Variants in RAB31 observed in about 807,000 individuals in gnomAD.
RAB31 encodes ras-related protein Rab-31.
In RAB31, 21 loss-of-function variants were observed where a neutral mutation model predicts 25.6. The ratio of observed to expected loss-of-function variants is 0.82; its 90% CI spans 0.58 to 1.18. The LOEUF (loss-of-function observed/expected upper bound fraction) is 1.18, where lower values mean the gene tolerates loss of function less well. Among genes scored for constraint, RAB31 ranks in the 50% most tolerant of loss-of-function variants. The pLI is 0.00. For missense variants in RAB31, 196 were observed against 250.1 expected (o/e 0.78, Z 1.46); for synonymous variants, 87 against 84.0 (o/e 1.04, Z -0.20).
intron 1 of RAB31, among the ~76,000 whole-genome samples, chr18:9,737,383 G>A (rs2145469552): frequency 6.6e-6 from 1 of 152,254 alleles, no homozygotes; most frequent in Admixed American, 6.5e-5. Flanking sequence ...TAATATAAAT[G>A]TATAGTTATG....
intron 1 of RAB31, among the ~76,000 whole-genome samples, chr18:9,742,268 T>G (rs2068183614): frequency 6.6e-6 from 1 of 152,152 alleles, no homozygotes; most frequent in South Asian, 2.1e-4. Flanking sequence ...TTCGAGGACT[T>G]CAAAGACTCC....
Position 9,812,704 on chromosome 18 carries a change from T to C in RAB31, c.202-1316T>C, listed in dbSNP as rs2068579732. 2.1e-5 allele frequency among the ~76,000 whole-genome samples: 3 copies of C among 145,236 alleles called. No homozygotes were observed. The South Asian group carries it at 6.6e-4, about 32-fold the overall frequency. ...CCAGGATACTATTTTTTTTTTTTTTTTTTTTTTTTTTGAGATAAAGTCTCA... is the reference window on the plus strand; with the variant it reads ...CCAGGATACTATTTTTTTTTTTTTTCTTTTTTTTTTTGAGATAAAGTCTCA... On this transcript the variant is annotated intron_variant, in intron 3 of 6. Transcript: ENST00000578921.
intron 5 of RAB31, among the ~76,000 whole-genome samples, chr18:9,821,627 G>A (rs569158560): frequency 3.9e-5 from 6 of 152,170 alleles, no homozygotes; most frequent in East Asian, 3.9e-4. Flanking sequence ...CAAAAGCAAC[G>A]TGGAAAAATC....
At chr18:9,728,734 C>T (rs1206170800) in intron 1 of RAB31, among the ~76,000 whole-genome samples, 1 of 152,126 alleles carries the variant, frequency 6.6e-6, no homozygotes, top group Admixed American at 6.5e-5. Flanking sequence ...GATGGGGTTT[C>T]ACCATGTTGG....
At chr18:9,770,463 A>G (rs2068338684) in intron 1 of RAB31, among the ~76,000 whole-genome samples, 1 of 152,352 alleles carries the variant, frequency 6.6e-6, no homozygotes, top group Admixed American at 6.5e-5. Flanking sequence ...TGTGATTAAT[A>G]AGTGTGACAA....
intron 1 of RAB31, among the ~76,000 whole-genome samples, chr18:9,716,910 T>TG (rs2068046910): frequency 7.8e-6 from 1 of 128,782 alleles, no homozygotes; most frequent in African/African-American, 2.9e-5. Flanking sequence ...ACTTGGCTAA[T>TG]TTTCTTTCTT....
chr18:9,729,507 A>G (rs1168962664), intron 1 of RAB31, among the ~76,000 whole-genome samples: 3 of 150,848 alleles, frequency 2.0e-5, no homozygotes, highest in South Asian at 4.2e-4. Context: ...AGCCTGGGGG[A>G]CAGAGTGAGA....
intron 6 of RAB31, among the ~76,000 whole-genome samples, chr18:9,853,963 C>CTTTTTTTTTT (rs11376519): frequency 2.3e-5 from 3 of 130,840 alleles, no homozygotes; most frequent in African/African-American, 5.7e-5. Flanking sequence ...CTTTTCTTTT[C>CTTTTTTTTTT]TTTTTTTTTT....
At chr18:9,735,142 C>G (rs1250157787) in intron 1 of RAB31, among the ~76,000 whole-genome samples, 1 of 152,070 alleles carries the variant, frequency 6.6e-6, no homozygotes, top group African/African-American at 2.4e-5. Flanking sequence ...CTCAGCCTCT[C>G]AAGTAGCTGG....
At chr18:9,749,580 A>G (rs962070747) in intron 1 of RAB31, among the ~76,000 whole-genome samples, 1 of 152,140 alleles carries the variant, frequency 6.6e-6, no homozygotes, top group South Asian at 2.1e-4. Flanking sequence ...TACGTTTCAC[A>G]TTTCGGTCTC....
chr18:9,746,829 A>G (rs1258700827), intron 1 of RAB31, among the ~76,000 whole-genome samples: 1 of 152,248 alleles, frequency 6.6e-6, no homozygotes, highest in Non-Finnish European at 1.5e-5. Flanking sequence ...AATGGAAAAC[A>G]TAGAGTGAAA....
intron 1 of RAB31, among the ~76,000 whole-genome samples, chr18:9,726,844 T>C (rs968178696): frequency 5.3e-5 from 8 of 152,190 alleles, no homozygotes; most frequent in Non-Finnish European, 1.2e-4. Flanking sequence ...AACAGACCTA[T>C]GTAAACACCT....
rs551238934 is a variant in RAB31, at chr18:9,801,753, C to T, written c.201+9518C>T. ...ATATACTCACCAACACTTGTCTTTG[C>T]CTAACCTAAGGTCGTAAAGGTTTAC... is the stretch of plus-strand genomic sequence containing the variant. On this transcript the variant is annotated intron_variant, in intron 3 of 6. Transcript: ENST00000578921. 3.2e-4 allele frequency among the ~76,000 whole-genome samples: 48 copies of T among 152,268 alleles called. 1 individual carries two copies. The South Asian group carries it at 7.7e-3, about 24-fold the overall frequency.
intron 1 of RAB31, chr18:9,735,377 T>C (rs1331249050): frequency 9.2e-6 from 2 of 217,910 alleles, no homozygotes; most frequent in Admixed American, 8.3e-5. Flanking sequence ...GTCCACAGTT[T>C]GTCAAAGTTG....
chr18:9,828,957 A>C (rs112089214), intron 5 of RAB31, among the ~76,000 whole-genome samples: 1 of 152,206 alleles, frequency 6.6e-6, no homozygotes, highest in African/African-American at 2.4e-5. Flanking sequence ...TCTGCGACTG[A>C]TGTGGTGCGG....
chr18:9,779,076 C>T (rs1339389766), intron 2 of RAB31, among the ~76,000 whole-genome samples: 3 of 151,994 alleles, frequency 2.0e-5, no homozygotes, highest in African/African-American at 4.8e-5. Flanking sequence ...CTGTCTTGAG[C>T]GTGGGAGAGG....
intron 5 of RAB31, among the ~76,000 whole-genome samples, chr18:9,845,262 G>A (rs1400784316): frequency 1.3e-5 from 2 of 152,204 alleles, no homozygotes; most frequent in Non-Finnish European, 2.9e-5. Context: ...GGGGAAAAAA[G>A]TTGAAATCAG....
intron 3 of RAB31, among the ~76,000 whole-genome samples, chr18:9,804,990 T>G (rs9949761): frequency 0.56 from 85,282 of 152,044 alleles, 24,336 homozygotes; most frequent in East Asian, 0.73. Flanking sequence ...ATGGGTCTCA[T>G]GCCTGTGGTC....
At chr18:9,816,813 AG>A (rs2068601316) in intron 5 of RAB31, among the ~76,000 whole-genome samples, 1 of 152,256 alleles carries the variant, frequency 6.6e-6, no homozygotes, top group African/African-American at 2.4e-5. Flanking sequence ...TTTAATTCTC[AG>A]GAATTCTAGT....
Sources: gnomAD v4.1 joint callset for allele counts (sites outside exome capture counted in the v4.1 genomes callset) on GRCh38, gnomAD v4.1.1 for gene constraint, MANE v1.5 for transcripts, NCBI Gene and HGNC (gene_info 2026-07-23, HGNC 2026-07-21) for gene names.